ADGRA3: variants seen among roughly 807,000 people sequenced by gnomAD.
The protein encoded by ADGRA3 is G-protein coupled receptor 125.
A neutral mutation model predicts 119.8 loss-of-function variants in ADGRA3; 56 were observed. The ratio of observed to expected loss-of-function variants is 0.47; its 90% confidence interval spans 0.38 to 0.58. The LOEUF (loss-of-function observed/expected upper bound fraction) is 0.58, where lower values mean the gene tolerates loss of function less well. ADGRA3 is among the 20% of genes least tolerant of loss of function. The probability of loss-of-function intolerance (pLI) is 0.00; values close to 1 mark genes in which losing one functional copy is unlikely to be tolerated. For synonymous variants in ADGRA3, 607 were observed against 623.8 expected (o/e 0.97, Z 0.40); for missense variants, 1,516 against 1,649.0 (o/e 0.92, Z 1.40).
At chr4:22,471,410 A>G (rs538967271) in intron 2 of ADGRA3, among the ~76,000 whole-genome samples, 1 of 152,290 alleles carries the variant, frequency 6.6e-6, no homozygotes, top group South Asian at 2.1e-4. Flanking sequence ...ACAAACCCTC[A>G]TGACACGTAA....
chr4:22,427,265 T>A lies in ADGRA3; in HGVS notation c.1444-2913A>T, dbSNP rs530479782. ...TGAAATATAGGCAGTGCTTACAGAT[T>A]AGCAAAGTTACAACTAAACTTATTG... On this transcript the variant is annotated intron_variant, in intron 10 of 18. Transcript: ENST00000334304. Among the ~76,000 whole-genome samples, 151 of 152,312 alleles carry A rather than the reference T, an allele frequency of 9.9e-4. 1 individual carries two copies. The highest frequency in any genetic ancestry group is 3.5e-3 in the African/African-American group (145 of 41,578).
chr4:22,410,664 A>G (rs1715153716), intron 14 of ADGRA3, among the ~76,000 whole-genome samples: 1 of 152,234 alleles, frequency 6.6e-6, no homozygotes, highest in East Asian at 1.9e-4. Context: ...ACTGCTTTCT[A>G]ATTTGCTTTC....
intron 10 of ADGRA3, among the ~76,000 whole-genome samples, chr4:22,429,837 T>C (rs1411089976): frequency 6.6e-6 from 1 of 152,180 alleles, no homozygotes; most frequent in African/African-American, 2.4e-5. Context: ...TTCTCATTAA[T>C]GCTCCCAACC....
At chr4:22,396,508 G>A (rs1714360672) in intron 16 of ADGRA3, among the ~76,000 whole-genome samples, 1 of 152,156 alleles carries the variant, frequency 6.6e-6, no homozygotes, top group African/African-American at 2.4e-5. Context: ...GCCCCTACTA[G>A]GTTAAGGGAC....
chr4:22,423,480 T>C (rs1268241836), intron 11 of ADGRA3, among the ~76,000 whole-genome samples: 1 of 152,198 alleles, frequency 6.6e-6, no homozygotes, highest in Admixed American at 6.5e-5. Context: ...CAGATCAAAC[T>C]ATGATTGCTA....
At chr4:22,456,485 G>T (rs999903190) in intron 3 of ADGRA3, among the ~76,000 whole-genome samples, 2 of 152,148 alleles carry the variant, frequency 1.3e-5, no homozygotes, top group African/African-American at 4.8e-5. Context: ...TCCTCCTGTT[G>T]TTGGACATCA....
chr4:22,392,147 A>C (rs1714157900), intron 17 of ADGRA3, among the ~76,000 whole-genome samples: 1 of 152,226 alleles, frequency 6.6e-6, no homozygotes, highest in Admixed American at 6.5e-5. Context: ...AAAACACACA[A>C]GTCTTCTTGT....
chr4:22,441,793 AG>A (rs1716625864), intron 7 of ADGRA3, among the ~76,000 whole-genome samples: 1 of 152,232 alleles, frequency 6.6e-6, no homozygotes, highest in Non-Finnish European at 1.5e-5. Context: ...AAATGTTGGA[AG>A]ATATAAATGA....
chr4:22,396,252 T>C (rs1714348232), intron 16 of ADGRA3, among the ~76,000 whole-genome samples: 1 of 152,130 alleles, frequency 6.6e-6, no homozygotes, highest in Non-Finnish European at 1.5e-5. Context: ...GAAATGAATT[T>C]AGAAACCAGA....
intron 1 of ADGRA3, among the ~76,000 whole-genome samples, chr4:22,508,400 A>G (rs1719318355): frequency 6.6e-6 from 1 of 152,220 alleles, no homozygotes; most frequent in South Asian, 2.1e-4. Flanking sequence ...TTTGTATAAA[A>G]GACTGACCCT....
intron 9 of ADGRA3, among the ~76,000 whole-genome samples, chr4:22,435,840 G>A (rs1716370496): frequency 6.6e-6 from 1 of 152,084 alleles, no homozygotes; most frequent in South Asian, 2.1e-4. Flanking sequence ...AGCTCCTACT[G>A]CACAAGAGTA....
chr4:22,441,579 T>C (rs191783210), intron 7 of ADGRA3, among the ~76,000 whole-genome samples: 3 of 152,328 alleles, frequency 2.0e-5, no homozygotes, highest in African/African-American at 4.8e-5. Flanking sequence ...ATTTGGTTCA[T>C]AGACTGTACC....
intron 1 of ADGRA3, among the ~76,000 whole-genome samples, chr4:22,476,725 G>A (rs1167003026): frequency 6.6e-6 from 1 of 151,192 alleles, no homozygotes; most frequent in African/African-American, 2.4e-5. Context: ...GGAATACAGT[G>A]GCACGATCTC....
chr4:22,390,320 T>TTATATA lies in ADGRA3; in HGVS notation c.2628-1143_2628-1138dup, dbSNP rs34566272. On this transcript the variant is annotated intron_variant, in intron 17 of 18. Coordinates refer to ENST00000334304, the MANE Select transcript of ADGRA3 (RefSeq NM_145290.4). ...TATTTCTAGCATGCTTCTCTACTGC[T>TTATATA]TATATATATATATATATAAAATACA... is the stretch of plus-strand genomic sequence containing the variant. Among the ~76,000 whole-genome samples the TTATATA allele has an allele frequency of 1.0e-4, 11 of 106,264 alleles. 1 individual carries two copies. The highest frequency in any genetic ancestry group is 4.8e-4 in the African/African-American group (10 of 20,920). The allele number at this position is 106,264 out of a possible 152,430, so 69.7% of individuals were successfully genotyped here.
chr4:22,488,299 T>C (rs1460516399), intron 1 of ADGRA3, among the ~76,000 whole-genome samples: 2 of 152,160 alleles, frequency 1.3e-5, no homozygotes, highest in East Asian at 3.9e-4. Flanking sequence ...TGCCTACCCT[T>C]GGTGCAGAAC....
chr4:22,420,568 T>C lies in ADGRA3; in HGVS notation c.1809+318A>G, dbSNP rs958828468. On this transcript the variant is annotated intron_variant, in intron 12 of 18. Coordinates refer to ENST00000334304, the MANE Select transcript of ADGRA3 (RefSeq NM_145290.4). ...TTAAAATCAGGAGCAAAAAAACAAATAAATAAACTTTTAAGTCAAATAAGA... is the reference window on the plus strand; with the variant it reads ...TTAAAATCAGGAGCAAAAAAACAAACAAATAAACTTTTAAGTCAAATAAGA... The C allele has an allele frequency of 2.7e-5, 11 of 413,514 alleles. No homozygotes were observed. The South Asian group carries it at 5.4e-4, about 20-fold the overall frequency. 25.6% of individuals were successfully genotyped at this position (413,514 alleles called of 1,614,324 possible).
In ADGRA3 at chr4:22,487,315, T is replaced by C. The variant is rs76186607; in HGVS notation, c.258-13472A>G. 5.0e-3 allele frequency among the ~76,000 whole-genome samples: 755 copies of C among 152,326 alleles called. 6 individuals are homozygous for C. The highest frequency in any genetic ancestry group is 8.2e-3 in the Non-Finnish European group (561 of 68,028). ...GGTTTCACAGAAGACAATTTTTCCA[T>C]GGATGGGGGAAACAGGGATGATTTC... On this transcript the variant is annotated intron_variant, in intron 1 of 18. Coordinates refer to ENST00000334304, the MANE Select transcript of ADGRA3 (RefSeq NM_145290.4).
chr4:22,464,225 T>C (rs1176015223), intron 2 of ADGRA3, among the ~76,000 whole-genome samples: 1 of 152,240 alleles, frequency 6.6e-6, no homozygotes, highest in Non-Finnish European at 1.5e-5. Flanking sequence ...ATCAGAATTC[T>C]GAAAACTTCA....
At chr4:22,403,410 G>A (rs147192900) in intron 14 of ADGRA3, among the ~76,000 whole-genome samples, 24 of 151,972 alleles carry the variant, frequency 1.6e-4, no homozygotes, top group Non-Finnish European at 2.4e-4. Flanking sequence ...GCACAATTAC[G>A]GCAGCAGAGA....
Sources: allele counts gnomAD v4.1 joint callset (sites outside exome capture counted in the v4.1 genomes callset), GRCh38; gene constraint gnomAD v4.1.1; transcripts MANE v1.5; gene names NCBI Gene and HGNC (gene_info 2026-07-23, HGNC 2026-07-21).